Variants in ANO2 observed in about 807,000 individuals in gnomAD.
The protein encoded by ANO2 is anoctamin-2.
Under a neutral mutation model 124.2 loss-of-function variants are expected in ANO2, and 101 were observed. That is an observed-to-expected ratio of 0.81 (90% CI 0.69 to 0.96). The LOEUF is 0.96. Ranked by LOEUF, ANO2 falls within the 40% of genes least tolerant of loss-of-function variation. The pLI is 0.00. For missense variants in ANO2, 1,293 were observed against 1,274.5 expected (o/e 1.01, Z -0.22); for synonymous variants, 486 against 482.5 (o/e 1.01, Z -0.09).
intron 3 of ANO2, among the ~76,000 whole-genome samples, chr12:5,889,260 C>T (rs1049262059): frequency 6.6e-6 from 1 of 152,210 alleles, no homozygotes; most frequent in Non-Finnish European, 1.5e-5. Flanking sequence ...CTGAGGGAGC[C>T]GACTCCGGCC....
intron 3 of ANO2, among the ~76,000 whole-genome samples, chr12:5,913,505 C>T (rs549855001): frequency 9.2e-5 from 14 of 152,324 alleles, no homozygotes; most frequent in South Asian, 4.1e-4. Flanking sequence ...GCTTTGAATA[C>T]GTAACTGCTG....
chr12:5,617,917 T>C (rs188024757), intron 16 of ANO2, among the ~76,000 whole-genome samples: 1 of 152,342 alleles, frequency 6.6e-6, no homozygotes, highest in East Asian at 1.9e-4. Flanking sequence ...TATCACTGAT[T>C]CCTCAGTCCA....
In ANO2 at chr12:5,854,012, G is replaced by A. The variant is rs184569135; in HGVS notation, c.633+31C>T. ...ATTTGCATCCATCCAGCCCTCAGGA[G>A]GCCCAGAACCCAGGAGAAACATGCT... On this transcript the variant is annotated intron_variant, in intron 4 of 24. Transcript: ENST00000682330. 2.6e-4 allele frequency: 409 copies of A among 1,591,724 alleles called. 2 individuals carry two copies. The East Asian group carries it at 8.2e-3, about 32-fold the overall frequency.
chr12:5,564,931 T>C (rs1015294937), intron 24 of ANO2, among the ~76,000 whole-genome samples: 1 of 152,172 alleles, frequency 6.6e-6, no homozygotes, highest in Non-Finnish European at 1.5e-5. Context: ...GGGCTCGTTC[T>C]CCAGCCCTGC....
At chr12:5,887,272 T>C (rs953166297) in intron 3 of ANO2, among the ~76,000 whole-genome samples, 5 of 152,212 alleles carry the variant, frequency 3.3e-5, no homozygotes, top group Non-Finnish European at 7.3e-5. Context: ...TGAAATGTAA[T>C]GATGGGTTCA....
intron 16 of ANO2, among the ~76,000 whole-genome samples, chr12:5,620,542 G>A (rs1473353622): frequency 6.6e-6 from 1 of 152,132 alleles, no homozygotes; most frequent in Non-Finnish European, 1.5e-5. Context: ...GGCTAAATTG[G>A]AATTCTATAG....
intron 14 of ANO2, among the ~76,000 whole-genome samples, chr12:5,714,435 G>A (rs924296912): frequency 2.6e-5 from 4 of 152,170 alleles, no homozygotes; most frequent in South Asian, 2.1e-4. Context: ...CAAGCACCAC[G>A]ACTGACAAGC....
intron 7 of ANO2, among the ~76,000 whole-genome samples, chr12:5,827,296 G>A (rs967614013): frequency 2.6e-5 from 4 of 152,170 alleles, no homozygotes; most frequent in Non-Finnish European, 5.9e-5. Flanking sequence ...AGTTAGAAGA[G>A]GCTCACTCAG....
chr12:5,904,056 C>T lies in ANO2; in HGVS notation c.534+16984G>A, dbSNP rs1364167225. 6.6e-6 allele frequency among the ~76,000 whole-genome samples: 1 copy of T among 152,194 alleles called. No homozygotes were observed. The highest frequency in any genetic ancestry group is 2.4e-5 in the African/African-American group (1 of 41,436). ...TTCTGCTTTCTTCATTAAACACTGA[C>T]CTCCCCAAATGTGCCCACCACATGA... On this transcript the variant is annotated intron_variant, in intron 3 of 24. Transcript: ENST00000682330. This position sits in a 1 kb window ranked among gnomAD's most constrained non-coding sequence, Gnocchi z 4.1.
At chr12:5,837,857 A>G (rs1313064269) in intron 4 of ANO2, among the ~76,000 whole-genome samples, 1 of 152,078 alleles carries the variant, frequency 6.6e-6, no homozygotes, top group Non-Finnish European at 1.5e-5. Flanking sequence ...AGAAATAACT[A>G]AAATCAGAGC....
chr12:5,771,894 A>T (rs1431028405), intron 10 of ANO2, among the ~76,000 whole-genome samples: 1 of 152,248 alleles, frequency 6.6e-6, no homozygotes, highest in Non-Finnish European at 1.5e-5. Context: ...TTTGTTAAAA[A>T]GCAATAAAAG....
chr12:5,657,180 T>C (rs973268137), intron 14 of ANO2, among the ~76,000 whole-genome samples: 15 of 151,808 alleles, frequency 9.9e-5, no homozygotes, highest in African/African-American at 3.1e-4. Flanking sequence ...CACGGCAGAG[T>C]GGGATTTAGA....
intron 14 of ANO2, among the ~76,000 whole-genome samples, chr12:5,731,001 T>C (rs1950610490): frequency 6.6e-6 from 1 of 152,262 alleles, no homozygotes; most frequent in African/African-American, 2.4e-5. Context: ...CATGCATATA[T>C]ACCCAAGCAA....
chr12:5,749,250 T>C (rs535364716), intron 11 of ANO2, among the ~76,000 whole-genome samples: 33 of 152,280 alleles, frequency 2.2e-4, no homozygotes, highest in Non-Finnish European at 3.4e-4. Context: ...CACCCCCAAC[T>C]CTAATGATCC....
At chr12:5,607,651 C>T (rs1009425607) in intron 19 of ANO2, among the ~76,000 whole-genome samples, 2 of 152,146 alleles carry the variant, frequency 1.3e-5, no homozygotes, top group Non-Finnish European at 2.9e-5. Context: ...TATAGCCACT[C>T]TCCATCCTCA....
intron 16 of ANO2, among the ~76,000 whole-genome samples, chr12:5,629,383 A>G (rs1470350705): frequency 1.3e-5 from 2 of 152,138 alleles, no homozygotes; most frequent in Admixed American, 1.3e-4. Context: ...ACCATTGCCT[A>G]TGTTGGTTAT....
At chr12:5,782,203 G>A (rs1018946145) in intron 10 of ANO2, among the ~76,000 whole-genome samples, 2 of 152,042 alleles carry the variant, frequency 1.3e-5, no homozygotes, top group African/African-American at 4.8e-5. Context: ...TTATCCATAT[G>A]TCTGATAATA....
chr12:5,909,919 A>G (rs1369533817), intron 3 of ANO2, among the ~76,000 whole-genome samples: 1 of 152,206 alleles, frequency 6.6e-6, no homozygotes, highest in Non-Finnish European at 1.5e-5. Context: ...GATGAAATCT[A>G]TGGACCCTAC....
chr12:5,787,762 T>G lies in ANO2; in HGVS notation c.1055+11745A>C, dbSNP rs1038416780. ...TCCTCAGGGAGATCTCCAATTAGGT[T>G]GGATGGCCTTATATCTCCATTCCCA... On this transcript the variant is annotated intron_variant, in intron 10 of 24. Coordinates refer to ENST00000682330, the MANE Select transcript of ANO2 (RefSeq NM_001364791.2). The surrounding 1 kb of genome is among the most constrained non-coding windows in gnomAD (Gnocchi z 4.2). Among the ~76,000 whole-genome samples the G allele has an allele frequency of 1.3e-5, 2 of 152,186 alleles. No homozygotes were observed. Among genetic ancestry groups the G allele is most frequent in the Non-Finnish European group, 2.9e-5 (2 of 68,026 alleles).
Sources: gnomAD v4.1 joint callset for allele counts (sites outside exome capture counted in the v4.1 genomes callset) on GRCh38, gnomAD v4.1.1 for gene constraint, Gnocchi (gnomAD v3.1) non-coding constraint, MANE v1.5 for transcripts, NCBI Gene and HGNC (gene_info 2026-07-23, HGNC 2026-07-21) for gene names.